Variants in TTN observed in about 807,000 individuals in gnomAD.
The protein encoded by TTN is connectin.
In TTN, 1,525 loss-of-function variants were observed where a neutral mutation model predicts 3,223.0. The ratio of observed to expected loss-of-function variants is 0.47; its 90% CI spans 0.45 to 0.49. The LOEUF is 0.49. Among genes scored for constraint, TTN ranks in the 20% least tolerant of loss-of-function variants. The pLI, the probability that TTN is intolerant of heterozygous loss-of-function variation, is 0.00. For missense variants in TTN, 40,786 were observed against 43,424.0 expected, an observed-to-expected ratio of 0.94 and a Z score of 5.40; for synonymous variants, 14,094 against 15,161.0, an observed-to-expected ratio of 0.93 and a Z score of 5.17.
chr2:178,681,627 T>C, intron 136 of TTN, 34 bp downstream of exon 136: 1 of 1,581,992 alleles, frequency 6.3e-7, no homozygotes, highest in Non-Finnish European at 8.6e-7. Flanking sequence ...GAAACAAAGA[T>C]CTCTTACAGG....
At chr2:178,638,241 G>A (rs1240765428) in intron 223 of TTN, among the ~76,000 whole-genome samples, 1 of 151,246 alleles carries the variant, frequency 6.6e-6, no homozygotes, top group African/African-American at 2.4e-5. Context: ...AAAGAATATA[G>A]TGTATTTTTT....
chr2:178,645,847 G>T, intron 217 of TTN, 73 bp downstream of exon 217: 1 of 914,668 alleles, frequency 1.1e-6, no homozygotes, highest in Non-Finnish European at 1.6e-6. Flanking sequence ...TACATTTCTT[G>T]CAAGCATCAT....
intron 6 of TTN, chr2:178,798,505 T>A (rs905985640): frequency 6.6e-6 from 1 of 152,190 alleles, no homozygotes; most frequent in African/African-American, 2.4e-5. Flanking sequence ...TGCAAAATAT[T>A]TAAAAGGTTT....
At chr2:178,686,006 G>A (rs1385663626) in intron 127 of TTN, among the ~76,000 whole-genome samples, 1 of 151,244 alleles carries the variant, frequency 6.6e-6, no homozygotes, top group African/African-American at 2.4e-5. Context: ...TAAGTGAATT[G>A]TAAGATAATA....
In TTN at chr2:178,543,480, T is replaced by C. The variant is rs768216478; in HGVS notation, c.96493A>G (p.Arg32165Gly). 3.7e-6 allele frequency: 6 copies of C among 1,613,832 alleles called. No homozygotes were observed. Among genetic ancestry groups the C allele is most frequent in the Middle Eastern group, 1.6e-4 (1 of 6,062 alleles). The change falls in exon 347 of 363, where the codon AGA becomes GGA. Residue 32165 changes from arginine to glycine, a missense_variant. By Grantham distance (125) the Arg-to-Gly change is moderately radical. Transcript: ENST00000589042. ...GTTCCTTCTACAAGTCCAGAAATTC[T>C]GTAAAGTGTCTTGCTGCATTTGGTA... ...VTTKCSKTLY[R>G]ISGLVEGTMY...
rs1686796147 is a variant in TTN, at chr2:178,527,248, G to A, written c.107740C>T (p.Leu35914=). ...SDISIDEGKV[L]TVACAFTGEP... ...CCCGTGAAAGCACAGGCTACTGTTA[G>A]AACTTTGCCTTCATCAATGCTGATA... The change falls in exon 363 of 363, where the codon CTA becomes TTA. Residue 35914 remains leucine, a synonymous_variant. Transcript: ENST00000589042. The A allele has an allele frequency of 6.2e-7, 1 of 1,613,314 alleles. No individual in the cohort carries two copies.
chr2:178,714,504 G>T lies in TTN; in HGVS notation c.26270C>A (p.Thr8757Asn). 6.2e-7 allele frequency: 1 copy of T among 1,613,316 alleles called. No individual in the cohort carries two copies. The highest frequency in any genetic ancestry group is 1.1e-5 in the South Asian group (1 of 91,026). ...TVVGKEVQLQ[T>N]TIEGAEPISV... ...AATGGGTTCAGCGCCTTCAATGGTA[G>T]TCTGCAGCTGAACTTCTTTACCAAC... is the stretch of plus-strand genomic sequence containing the variant. The change falls in exon 91 of 363, where the codon ACT (threonine) becomes AAT (asparagine). Residue 8757 changes from threonine (T) to asparagine (N), a missense_variant. Coordinates refer to ENST00000589042, the MANE Select transcript of TTN (RefSeq NM_001267550.2).
Position 178,725,465 on chromosome 2 carries a change from C to G in TTN, c.20739G>C (p.Gln6913His). ...ITFVENVATL[Q>H]FAKAEPANAG... ...CATTAGCTGGCTCTGCTTTTGCAAA[C>G]TGTAGAGTTGCAACATTTTCCACAA... is the stretch of plus-strand genomic sequence containing the variant. The change falls in exon 71 of 363, where the codon CAG (glutamine) becomes CAC (histidine). Residue 6913 changes from glutamine (Q) to histidine (H), a missense_variant. Gln to His is a conservative substitution (Grantham distance 24, BLOSUM62 0). Coordinates refer to ENST00000589042, the MANE Select transcript of TTN (RefSeq NM_001267550.2). The G allele has an allele frequency of 6.2e-7, 1 of 1,613,164 alleles. No individual in the cohort carries two copies. Among genetic ancestry groups the G allele is most frequent in the Non-Finnish European group, 8.5e-7 (1 of 1,179,476 alleles).
chr2:178,705,047 T>A, intron 103 of TTN, 81 bp from the exon 104 acceptor site: 1 of 1,568,272 alleles, frequency 6.4e-7, no homozygotes, highest in East Asian at 2.2e-5. Context: ...CAGCTTCCAT[T>A]CTGGATGCTG....
Position 178,756,207 on chromosome 2 carries a change from T to TA in TTN, c.11254+14dup, listed in dbSNP as rs1229374543. ...AGGATGAAATGAAGCAAGTCATAGCTAAAAATCAATTAACCACCTTCTACA... is the reference window on the plus strand; with the variant it reads ...AGGATGAAATGAAGCAAGTCATAGCTAAAAAATCAATTAACCACCTTCTACA... On this transcript the variant is annotated intron_variant, in intron 46 of 362. Coordinates refer to ENST00000589042, the MANE Select transcript of TTN (RefSeq NM_001267550.2). The TA allele has an allele frequency of 6.3e-7, 1 of 1,575,244 alleles. No individual in the cohort carries two copies. Among genetic ancestry groups the TA allele is most frequent in the Non-Finnish European group, 8.7e-7 (1 of 1,153,910 alleles).
Position 178,548,471 on chromosome 2 carries a change from A to G in TTN, c.93155T>C (p.Val31052Ala). ...LDGGARIHHY[V>A]VEKREASRRS... Reference sequence around the variant, plus strand: ...GCGACTTGCCTCTCGTTTCTCTACCACATAATGATGGATTCGGGCACCACC... The same window carrying G: ...GCGACTTGCCTCTCGTTTCTCTACCGCATAATGATGGATTCGGGCACCACC... Residue 31052 changes from valine (V) to alanine (A), a missense_variant, in exon 339 of 363, where the codon GTG (valine) becomes GCG (alanine). By Grantham distance (64) the Val-to-Ala change is moderately conservative (BLOSUM62 0). Coordinates refer to ENST00000589042, the MANE Select transcript of TTN (RefSeq NM_001267550.2). This position sits in a 1 kb window ranked among gnomAD's most constrained non-coding sequence, Gnocchi z 4.3. The G allele has an allele frequency of 6.2e-7, 1 of 1,613,830 alleles. No individual in the cohort carries two copies. Among genetic ancestry groups the G allele is most frequent in the Non-Finnish European group, 8.5e-7 (1 of 1,179,792 alleles).
Position 178,544,455 on chromosome 2 carries a change from CTG to C in TTN, c.95772_95773del (p.His31924GlnfsTer3), listed in dbSNP as rs1060500544. ...GGGTTTGGTCCATGCCAAACTAATG[CTG>C]TGTTTGGTGGTATCCACAACTCTTG... On this transcript the variant is annotated frameshift_variant, in exon 345 of 363. Coordinates refer to ENST00000589042, the MANE Select transcript of TTN (RefSeq NM_001267550.2). LOFTEE classifies it high-confidence loss of function. The C allele has an allele frequency of 1.9e-6, 3 of 1,613,418 alleles. No individual in the cohort carries two copies. Among genetic ancestry groups the C allele is most frequent in the South Asian group, 2.2e-5 (2 of 91,052 alleles).
Position 178,688,146 on chromosome 2 carries a change from T to A in TTN, c.32276A>T (p.Glu10759Val). The change falls in exon 127 of 363, where the codon GAG becomes GTG. Residue 10759 changes from glutamate (E) to valine (V), a missense_variant. By Grantham distance (121) the Glu-to-Val change is moderately radical (BLOSUM62 -2). Coordinates refer to ENST00000589042, the MANE Select transcript of TTN (RefSeq NM_001267550.2). ...SISVYREEEREEEEEAEVTEY... is the reference protein window; with the variant it reads ...SISVYREEERVEEEEAEVTEY... ...TGTAACCTCTGCTTCTTCCTCCTCCTCTCTTTCTTCTTCTCTATAAACTGA... is the reference window on the plus strand; with the variant it reads ...TGTAACCTCTGCTTCTTCCTCCTCCACTCTTTCTTCTTCTCTATAAACTGA... 1.2e-6 allele frequency: 2 copies of A among 1,613,016 alleles called. No homozygotes were observed. Among genetic ancestry groups the A allele is most frequent in the Non-Finnish European group, 8.5e-7 (1 of 1,179,704 alleles).
chr2:178,589,069 C>T lies in TTN; in HGVS notation c.62656G>A (p.Asp20886Asn), dbSNP rs1445324473. The T allele has an allele frequency of 1.9e-6, 3 of 1,609,378 alleles. No homozygotes were observed. The highest frequency in any genetic ancestry group is 1.7e-5 in the Admixed American group (1 of 59,936). ...CAGCCACCATCATCTTCTGGTGGAT[C>T]CCAGCAAACAGTACACCTATCACTG... ...VSSDRCTVCW[D>N]PPEDDGGCEI... Residue 20886 changes from aspartate (D) to asparagine (N), a missense_variant, in exon 304 of 363, where the codon GAT (aspartate) becomes AAT (asparagine). By Grantham distance (23) the Asp-to-Asn change is conservative. Transcript: ENST00000589042.
In TTN at chr2:178,721,922, C is replaced by A. The variant is rs1433348204; in HGVS notation, c.22741G>T (p.Asp7581Tyr). The change falls in exon 78 of 363, where the codon GAC becomes TAC. Residue 7581 changes from aspartate (D) to tyrosine (Y), a missense_variant. Coordinates refer to ENST00000589042, the MANE Select transcript of TTN (RefSeq NM_001267550.2). ...HLRILKVGKG[D>Y]SGQYTCQATN... ...GCTTGGCAAGTATATTGACCAGAGTCTCCTTTGCCTACTTTAAGAATTCTC... is the reference window on the plus strand; with the variant it reads ...GCTTGGCAAGTATATTGACCAGAGTATCCTTTGCCTACTTTAAGAATTCTC... 11 of 1,613,388 alleles carry A rather than the reference C, an allele frequency of 6.8e-6. No individual in the cohort carries two copies. The highest frequency in any genetic ancestry group is 1.3e-5 in the African/African-American group (1 of 74,896).
intron 162 of TTN, 94 bp from the exon 163 acceptor site, chr2:178,666,995 G>T: frequency 1.0e-6 from 1 of 970,756 alleles, no homozygotes; most frequent in Non-Finnish European, 1.5e-6. Flanking sequence ...TATCATTTCA[G>T]ATATCTTTAT....
At position 178,733,086 on chromosome 2, in the gene TTN, G is replaced by T; in HGVS notation, c.16090C>A (p.Arg5364Ser). Reference sequence around the variant, plus strand: ...CCATTAACAACACTATCCACGTTGCGCAAGGGTTTGGTAAAAAATGGAGCA... The same window carrying T: ...CCATTAACAACACTATCCACGTTGCTCAAGGGTTTGGTAAAAAATGGAGCA... ...DIAPFFTKPL[R>S]NVDSVVNGTC... The change falls in exon 55 of 363, where the codon CGC (arginine) becomes AGC (serine). Residue 5364 changes from arginine to serine, a missense_variant. By Grantham distance (110) the Arg-to-Ser change is moderately radical (BLOSUM62 -1). Coordinates refer to ENST00000589042, the MANE Select transcript of TTN (RefSeq NM_001267550.2). 1 of 1,603,002 alleles carries T rather than the reference G, an allele frequency of 6.2e-7. No homozygotes were observed.
At chr2:178,801,811 C>A (rs534461711) in intron 3 of TTN, among the ~76,000 whole-genome samples, 25 of 152,290 alleles carry the variant, frequency 1.6e-4, no homozygotes, top group African/African-American at 6.0e-4. Flanking sequence ...GAGAATATGT[C>A]TTATTCCTTA....
rs1357900013 is a variant in TTN, at chr2:178,730,491, T to C, written c.18028+14A>G. The C allele has an allele frequency of 6.3e-7, 1 of 1,582,942 alleles. No individual in the cohort carries two copies. Among genetic ancestry groups the C allele is most frequent in the Admixed American group, 1.8e-5 (1 of 55,402 alleles). On this transcript the variant is annotated intron_variant, in intron 61 of 362. Transcript: ENST00000589042. ...TTTGTAAGTTCTTGATAAGTGGAAA[T>C]AAAATTTGCCAACCTTTGACTGTCA...
Sources: gnomAD v4.1 joint callset for allele counts (sites outside exome capture counted in the v4.1 genomes callset) on GRCh38, gnomAD v4.1.1 for gene constraint, Gnocchi (gnomAD v3.1) non-coding constraint, MANE v1.5 for transcripts, NCBI Gene and HGNC (gene_info 2026-07-23, HGNC 2026-07-21) for gene names.